KIRREL3: variants seen among roughly 807,000 people sequenced by gnomAD.
KIRREL3 encodes kin of IRRE-like protein 3.
Under a neutral mutation model 89.7 loss-of-function variants are expected in KIRREL3, and 36 were observed. The observed-to-expected ratio is 0.40, with a 90% CI of 0.31 to 0.53. KIRREL3 has a LOEUF of 0.53. KIRREL3 is among the 20% of genes least tolerant of loss of function. The probability of loss-of-function intolerance (pLI) is 0.49; values close to 1 mark genes in which losing one functional copy is unlikely to be tolerated. For synonymous variants in KIRREL3, 445 were observed against 441.4 expected (o/e 1.01, Z -0.10); for missense variants, 864 against 1,056.6 (o/e 0.82, Z 2.53).
chr11:126,890,465 T>A lies in KIRREL3; in HGVS notation c.55+109990A>T, dbSNP rs1456702669. 6.6e-6 allele frequency among the ~76,000 whole-genome samples: 1 copy of A among 152,202 alleles called. No individual in the cohort carries two copies. The highest frequency in any genetic ancestry group is 1.5e-5 in the Non-Finnish European group (1 of 68,038). On this transcript the variant is annotated intron_variant, in intron 1 of 16. Transcript: ENST00000525144. The surrounding 1 kb of genome is among the most constrained non-coding windows in gnomAD (Gnocchi z 5.1). ...AAAACTCCACGTGCTGGTCTGGCAC[T>A]CTAATTGTCCAATCTGCTGCTCAAT... is the stretch of plus-strand genomic sequence containing the variant.
At chr11:126,945,927 C>T (rs1471844762) in intron 1 of KIRREL3, among the ~76,000 whole-genome samples, 1 of 152,134 alleles carries the variant, frequency 6.6e-6, no homozygotes, top group African/African-American at 2.4e-5. Flanking sequence ...TCATTCATTG[C>T]CTCATTCATG....
At chr11:126,929,135 G>A (rs1947837271) in intron 1 of KIRREL3, among the ~76,000 whole-genome samples, 1 of 152,182 alleles carries the variant, frequency 6.6e-6, no homozygotes, top group African/African-American at 2.4e-5. Flanking sequence ...GACTGAGCGT[G>A]GTCAGAGGGA....
At chr11:126,922,623 C>G (rs572366523) in intron 1 of KIRREL3, among the ~76,000 whole-genome samples, 1 of 151,972 alleles carries the variant, frequency 6.6e-6, no homozygotes, top group Admixed American at 6.6e-5. Context: ...GTCAAGTTTA[C>G]CATCTCCCCT....
chr11:126,459,890 C>T lies in KIRREL3; in HGVS notation c.742+3267G>A, dbSNP rs11828663. Among the ~76,000 whole-genome samples, 1 of 152,170 alleles carries T rather than the reference C, an allele frequency of 6.6e-6. No individual in the cohort carries two copies. The highest frequency in any genetic ancestry group is 1.5e-5 in the Non-Finnish European group (1 of 68,024). On this transcript the variant is annotated intron_variant, in intron 6 of 16. Transcript: ENST00000525144. The surrounding 1 kb of genome is among the most constrained non-coding windows in gnomAD (Gnocchi z 4.8). Reference sequence around the variant, plus strand: ...GCTTTGGGGGTGTTAAGCTTTCTCTCCCATTACTCAATCTGAGGGCTTTGT... The same window carrying T: ...GCTTTGGGGGTGTTAAGCTTTCTCTTCCATTACTCAATCTGAGGGCTTTGT...
At chr11:126,988,816 T>A (rs1949943648) in intron 1 of KIRREL3, among the ~76,000 whole-genome samples, 1 of 152,144 alleles carries the variant, frequency 6.6e-6, no homozygotes, top group African/African-American at 2.4e-5. Flanking sequence ...CTCAGTACCA[T>A]CTCCCCGTGG....
rs916496416 is a variant in KIRREL3 at position 126,474,693 on chromosome 11, G to A, written c.434-1227C>T. On this transcript the variant is annotated intron_variant, in intron 4 of 16. Coordinates refer to ENST00000525144, the MANE Select transcript of KIRREL3 (RefSeq NM_032531.4). This position sits in a 1 kb window ranked among gnomAD's most constrained non-coding sequence, Gnocchi z 6.7. Reference sequence around the variant, plus strand: ...GAGTGCCAGGAAGAGGGCCATCCGCGTCGGAGCACGGTCTCCGCAGTGCCC... The same window carrying A: ...GAGTGCCAGGAAGAGGGCCATCCGCATCGGAGCACGGTCTCCGCAGTGCCC... Among the ~76,000 whole-genome samples, 2 of 152,192 alleles carry A rather than the reference G, an allele frequency of 1.3e-5. No homozygotes were observed. Among genetic ancestry groups the A allele is most frequent in the African/African-American group, 4.8e-5 (2 of 41,438 alleles).
In KIRREL3 at chr11:126,594,693, C is replaced by T. The variant is rs1942306302; in HGVS notation, c.56-31781G>A. Among the ~76,000 whole-genome samples, 1 of 152,156 alleles carries T rather than the reference C, an allele frequency of 6.6e-6. No homozygotes were observed. ...AAGGCCAGCTCTTAAATTCTCTAACCCATGCTCCTGGCCAACTCTCCTCTG... is the reference window on the plus strand; with the variant it reads ...AAGGCCAGCTCTTAAATTCTCTAACTCATGCTCCTGGCCAACTCTCCTCTG... On this transcript the variant is annotated intron_variant, in intron 1 of 16. Coordinates refer to ENST00000525144, the MANE Select transcript of KIRREL3 (RefSeq NM_032531.4). The surrounding 1 kb of genome is among the most constrained non-coding windows in gnomAD (Gnocchi z 5.0).
intron 4 of KIRREL3, 109 bp from the exon 5 acceptor site, chr11:126,473,575 A>T: frequency 1.1e-6 from 1 of 925,082 alleles, no homozygotes; most frequent in Non-Finnish European, 1.6e-6. Flanking sequence ...ATTATCACAC[A>T]TTAATAAAAC....
At chr11:126,929,948 ACCC>A (rs35235576) in intron 1 of KIRREL3, among the ~76,000 whole-genome samples, 4,819 of 144,106 alleles carry the variant, frequency 0.033, 153 homozygotes, top group East Asian at 0.13. Context: ...TGGGGGAGCC[ACCC>A]CCCCCCCCCC....
intron 1 of KIRREL3, among the ~76,000 whole-genome samples, chr11:126,885,638 A>AT (rs1945667169): frequency 6.6e-6 from 1 of 152,148 alleles, no homozygotes; most frequent in African/African-American, 2.4e-5. Context: ...AATCTGCCTT[A>AT]TTTTTTTCTA....
intron 1 of KIRREL3, among the ~76,000 whole-genome samples, chr11:126,975,907 CCTCCCTCCCTT>C (rs1949556509): frequency 5.8e-5 from 4 of 69,074 alleles, no homozygotes; most frequent in East Asian, 9.4e-4. Flanking sequence ...TCCCTCCCTT[CCTCCCTCCCTT>C]CCTCCCTCCC....
chr11:126,445,359 G>C (rs1032818423), intron 9 of KIRREL3, among the ~76,000 whole-genome samples: 1 of 152,254 alleles, frequency 6.6e-6, no homozygotes, highest in Non-Finnish European at 1.5e-5. Context: ...GCGCAGCCCT[G>C]TGGGCTGGGG....
chr11:126,992,439 C>T (rs910922108), intron 1 of KIRREL3: 4 of 152,210 alleles, frequency 2.6e-5, no homozygotes. Context: ...CTGTCTATTT[C>T]TTGCTGAACA....
In KIRREL3 at chr11:126,489,628, C is replaced by G. The variant is rs1371435780; in HGVS notation, c.434-16162G>C. 2.6e-5 allele frequency among the ~76,000 whole-genome samples: 4 copies of G among 152,102 alleles called. No individual in the cohort carries two copies. Among genetic ancestry groups the G allele is most frequent in the Admixed American group, 2.0e-4 (3 of 15,268 alleles). On this transcript the variant is annotated intron_variant, in intron 4 of 16. Coordinates refer to ENST00000525144, the MANE Select transcript of KIRREL3 (RefSeq NM_032531.4). The surrounding 1 kb of genome is among the most constrained non-coding windows in gnomAD (Gnocchi z 5.5). ...AGTTTGGACCCAGGACAGCTGGTGT[C>G]CCCTGGCTTTCCTGAGACCTTGGAC...
chr11:126,939,062 G>A (rs763809439), intron 1 of KIRREL3, among the ~76,000 whole-genome samples: 4 of 152,178 alleles, frequency 2.6e-5, no homozygotes, highest in Admixed American at 6.5e-5. Flanking sequence ...GTACGGACCC[G>A]CAGTGATGCC....
rs3802815 is a variant in KIRREL3, at chr11:126,424,366, T to G, written c.*214A>C. ...AGCGCACTCAGCCGCAGCCTCTGTC[T>G]GTCTCCCCACCCGCCCACCTCTGGC... On this transcript the variant is annotated 3_prime_UTR_variant, in exon 17 of 17. Transcript: ENST00000525144. 2.1e-6 allele frequency: 1 copy of G among 466,614 alleles called. No homozygotes were observed. The highest frequency in any genetic ancestry group is 2.0e-5 in the African/African-American group (1 of 49,042). The allele number at this position is 466,614 out of a possible 1,614,324, so 28.9% of individuals were successfully genotyped here.
chr11:126,613,643 T>G (rs1943221242), intron 1 of KIRREL3, among the ~76,000 whole-genome samples: 1 of 152,146 alleles, frequency 6.6e-6, no homozygotes, highest in South Asian at 2.1e-4. Flanking sequence ...GAAAGAATAT[T>G]GCAGTAGAGA....
intron 1 of KIRREL3, among the ~76,000 whole-genome samples, chr11:126,966,162 C>A (rs1949263414): frequency 6.6e-6 from 1 of 152,004 alleles, no homozygotes; most frequent in Non-Finnish European, 1.5e-5. Flanking sequence ...TAGCTGTTAC[C>A]CAGATAAGTA....
At chr11:126,737,168 G>A (rs1007627930) in intron 1 of KIRREL3, among the ~76,000 whole-genome samples, 6 of 152,166 alleles carry the variant, frequency 3.9e-5, no homozygotes, top group Admixed American at 1.3e-4. Context: ...ATTGGAGGCC[G>A]GCTTGTCAGA....
Sources: allele counts gnomAD v4.1 joint callset (sites outside exome capture counted in the v4.1 genomes callset), GRCh38; gene constraint gnomAD v4.1.1; non-coding constraint Gnocchi (gnomAD v3.1); transcripts MANE v1.5; gene names NCBI Gene and HGNC (gene_info 2026-07-23, HGNC 2026-07-21).